Variants in FMN1 observed in about 807,000 individuals in gnomAD.
FMN1 encodes formin 1.
FMN1 carries 110 observed loss-of-function variants against 132.4 expected under a neutral mutation model. The observed-to-expected ratio is 0.83, with a 90% CI of 0.71 to 0.97. The LOEUF is 0.97. Among genes scored for constraint, FMN1 ranks in the 50% least tolerant of loss-of-function variants. The pLI is 0.00. For synonymous variants in FMN1, 722 were observed against 651.7 expected (o/e 1.11, Z -1.64); for missense variants, 1,792 against 1,705.3 (o/e 1.05, Z -0.90).
intron 18 of FMN1, among the ~76,000 whole-genome samples, chr15:32,799,462 T>C (rs562088991): frequency 2.6e-5 from 4 of 152,166 alleles, no homozygotes; most frequent in Non-Finnish European, 5.9e-5. Context: ...TCACTCAGCA[T>C]CTTTGACTCT....
At chr15:32,828,629 A>C (rs2058429067) in intron 17 of FMN1, among the ~76,000 whole-genome samples, 1 of 152,234 alleles carries the variant, frequency 6.6e-6, no homozygotes, top group Admixed American at 6.5e-5. Context: ...TGATTCAAAA[A>C]AGAGGCTACT....
At chr15:33,082,820 T>C (rs2038535659) in intron 5 of FMN1, among the ~76,000 whole-genome samples, 2 of 152,012 alleles carry the variant, frequency 1.3e-5, no homozygotes, top group African/African-American at 2.4e-5. Context: ...AAGTAATATC[T>C]AGGAGTGATA....
intron 10 of FMN1, among the ~76,000 whole-genome samples, chr15:32,922,811 GTACTGTATTTTGTC>G (rs1363683933): frequency 6.6e-6 from 1 of 152,140 alleles, no homozygotes. Context: ...CAAGAATCAC[GTACTGTATTTTGTC>G]TCTAAACCTG....
chr15:33,160,196 G>T (rs1212136794), intron 3 of FMN1, among the ~76,000 whole-genome samples: 1 of 152,154 alleles, frequency 6.6e-6, no homozygotes, highest in Non-Finnish European at 1.5e-5. Flanking sequence ...AAAAAATGAA[G>T]AGATAAGACA....
intron 17 of FMN1, among the ~76,000 whole-genome samples, chr15:32,852,709 T>C (rs2059036284): frequency 6.6e-6 from 1 of 152,230 alleles, no homozygotes; most frequent in African/African-American, 2.4e-5. Flanking sequence ...CTAACATATT[T>C]CTCAGCCACA....
At chr15:33,093,841 A>G (rs1226192432) in intron 4 of FMN1, among the ~76,000 whole-genome samples, 1 of 152,252 alleles carries the variant, frequency 6.6e-6, no homozygotes, top group Non-Finnish European at 1.5e-5. Flanking sequence ...AGGCAACTGC[A>G]ATGTAGTTTG....
intron 19 of FMN1, among the ~76,000 whole-genome samples, chr15:32,787,997 C>T (rs1167787688): frequency 6.6e-6 from 1 of 152,246 alleles, no homozygotes; most frequent in Non-Finnish European, 1.5e-5. Context: ...TTAGAGACTG[C>T]ATGCATTTCA....
At chr15:32,909,503 G>A (rs2060506406) in intron 11 of FMN1, among the ~76,000 whole-genome samples, 1 of 152,226 alleles carries the variant, frequency 6.6e-6, no homozygotes, top group African/African-American at 2.4e-5. Flanking sequence ...AGGAATTGGT[G>A]ATGCCACCAA....
chr15:32,903,366 A>G (rs1316396284), intron 12 of FMN1, among the ~76,000 whole-genome samples: 3 of 152,256 alleles, frequency 2.0e-5, no homozygotes, highest in African/African-American at 7.2e-5. Context: ...ATATTAAACA[A>G]TTTATTCATT....
intron 2 of FMN1, among the ~76,000 whole-genome samples, chr15:33,184,023 A>C (rs59433452): frequency 0.14 from 21,943 of 152,126 alleles, 3,074 homozygotes; most frequent in African/African-American, 0.36. Flanking sequence ...AATAAGGTAA[A>C]CTTATTGGTT....
At chr15:33,110,904 G>C (rs995883620) in intron 4 of FMN1, among the ~76,000 whole-genome samples, 2 of 151,760 alleles carry the variant, frequency 1.3e-5, no homozygotes, top group African/African-American at 4.9e-5. Context: ...TAACCTTAAA[G>C]AAGTTCTAAA....
At chr15:32,780,590 A>C (rs2056631613) in intron 19 of FMN1, among the ~76,000 whole-genome samples, 1 of 152,128 alleles carries the variant, frequency 6.6e-6, no homozygotes, top group African/African-American at 2.4e-5. Flanking sequence ...TACTTTCCTG[A>C]TAAACTTGCT....
At chr15:33,102,814 A>T (rs2039344362) in intron 4 of FMN1, among the ~76,000 whole-genome samples, 1 of 152,116 alleles carries the variant, frequency 6.6e-6, no homozygotes, top group African/African-American at 2.4e-5. Context: ...TTTATAATAA[A>T]ACTTTCTCAT....
At chr15:33,051,386 G>A (rs912710266) in intron 6 of FMN1, among the ~76,000 whole-genome samples, 3 of 152,140 alleles carry the variant, frequency 2.0e-5, no homozygotes, top group African/African-American at 7.2e-5. Flanking sequence ...TCTAGTCCTG[G>A]TTCTGTTGTT....
intron 6 of FMN1, among the ~76,000 whole-genome samples, chr15:33,051,190 T>C (rs1186997654): frequency 6.6e-6 from 1 of 152,136 alleles, no homozygotes; most frequent in Non-Finnish European, 1.5e-5. Context: ...CATTCCAGGG[T>C]ATGTTCCTTG....
chr15:32,977,214 GAAGA>G (rs1487403863), intron 7 of FMN1, among the ~76,000 whole-genome samples: 1 of 152,184 alleles, frequency 6.6e-6, no homozygotes, highest in Admixed American at 6.5e-5. Flanking sequence ...TTTTCCAGAT[GAAGA>G]AAGAGAAGCA....
intron 17 of FMN1, among the ~76,000 whole-genome samples, chr15:32,823,456 G>A (rs529209253): frequency 2.2e-4 from 33 of 152,152 alleles, no homozygotes; most frequent in East Asian, 1.2e-3. Context: ...GAGCCACTGC[G>A]CCCGGCCGAG....
intron 12 of FMN1, among the ~76,000 whole-genome samples, chr15:32,904,665 C>T (rs775661791): frequency 5.9e-5 from 9 of 151,988 alleles, no homozygotes; most frequent in Non-Finnish European, 1.0e-4. Flanking sequence ...GCAGTTTTGG[C>T]GTGGATATTG....
intron 8 of FMN1, among the ~76,000 whole-genome samples, chr15:32,967,303 A>T (rs542479734): frequency 6.6e-6 from 1 of 152,286 alleles, no homozygotes; most frequent in East Asian, 1.9e-4. Flanking sequence ...CCTGTTGCTC[A>T]TGAAGTCTCT....
Sources: allele counts gnomAD v4.1 joint callset (sites outside exome capture counted in the v4.1 genomes callset), GRCh38; gene constraint gnomAD v4.1.1; transcripts MANE v1.5; gene names NCBI Gene and HGNC (gene_info 2026-07-23, HGNC 2026-07-21).